The following PRKCH variants were observed in gnomAD, a reference collection of about 807,000 sequenced individuals.
The protein encoded by PRKCH is protein kinase C eta type.
In PRKCH, 28 loss-of-function variants were observed where a neutral mutation model predicts 82.5. That is an observed-to-expected ratio of 0.34 (90% CI 0.25 to 0.47). The LOEUF (loss-of-function observed/expected upper bound fraction) is 0.47. Ranked by LOEUF, PRKCH falls within the 20% of genes least tolerant of loss-of-function variation. The pLI is 1.00. For synonymous variants in PRKCH, 322 were observed against 327.4 expected, an observed-to-expected ratio of 0.98 and a Z score of 0.18; for missense variants, 705 against 881.8, an observed-to-expected ratio of 0.80 and a Z score of 2.54.
rs573811394 is a variant in PRKCH, at chr14:61,348,458, T to G, written c.363+25994T>G. 2.1e-3 allele frequency among the ~76,000 whole-genome samples: 317 copies of G among 152,360 alleles called. 1 individual carries two copies. The highest frequency in any genetic ancestry group is 6.9e-3 in the African/African-American group (288 of 41,592). On this transcript the variant is annotated intron_variant, in intron 1 of 13. Transcript: ENST00000332981. ...GAAACAGAAGCTTTGCCTCCACCTC[T>G]GATGCTTGGGCTGGGATGAAATAAG...
chr14:61,405,493 T>C (rs1451066134), intron 2 of PRKCH, among the ~76,000 whole-genome samples: 2 of 152,088 alleles, frequency 1.3e-5, no homozygotes, highest in Non-Finnish European at 2.9e-5. Flanking sequence ...TTCTGCTGCC[T>C]CAGCCTCCTG....
intron 1 of PRKCH, among the ~76,000 whole-genome samples, chr14:61,328,399 T>C (rs1852605986): frequency 8.0e-6 from 1 of 125,020 alleles, no homozygotes; most frequent in African/African-American, 2.9e-5. Context: ...AAACTTGTAA[T>C]ACGTTATAAC....
chr14:61,343,351 C>CAAAAAAAAAAAAAAAAAAAA (rs57154047), intron 1 of PRKCH, among the ~76,000 whole-genome samples: 1 of 87,350 alleles, frequency 1.1e-5, no homozygotes, highest in African/African-American at 4.4e-5. Context: ...CCAGTTCCCT[C>CAAAAAAAAAAAAAAAAAAAA]AAAAAAAAAA....
Position 61,417,712 on chromosome 14 carries a change from C to G in PRKCH, c.428-25399C>G, listed in dbSNP as rs984173117. On this transcript the variant is annotated intron_variant, in intron 2 of 13. Coordinates refer to ENST00000332981, the MANE Select transcript of PRKCH (RefSeq NM_006255.5). ...CCTTCTGTCTTTGAAGTCTTAGACACACAGCTTGGGAATGGTCCTAATAGA... is the reference window on the plus strand; with the variant it reads ...CCTTCTGTCTTTGAAGTCTTAGACAGACAGCTTGGGAATGGTCCTAATAGA... 2.1e-4 allele frequency among the ~76,000 whole-genome samples: 32 copies of G among 152,080 alleles called. 1 individual carries two copies. The highest frequency in any genetic ancestry group is 2.0e-3 in the Admixed American group (30 of 15,282).
chr14:61,297,261 A>G (rs985363719), intron 1 of PRKCH, among the ~76,000 whole-genome samples: 21 of 152,224 alleles, frequency 1.4e-4, no homozygotes, highest in African/African-American at 3.9e-4. Flanking sequence ...AAATTTGCCA[A>G]TGTTACAGTT....
chr14:61,347,887 A>T (rs1341746633), intron 1 of PRKCH: 1 of 152,838 alleles, frequency 6.5e-6, no homozygotes, highest in African/African-American at 2.4e-5. Context: ...CAGGGAACGG[A>T]ATTAAATAGC....
chr14:61,506,404 G>A (rs930621367), intron 10 of PRKCH, among the ~76,000 whole-genome samples: 1 of 152,044 alleles, frequency 6.6e-6, no homozygotes, highest in Non-Finnish European at 1.5e-5. Flanking sequence ...TTGAAGTCAG[G>A]GGGGTGGGTA....
intron 2 of PRKCH, among the ~76,000 whole-genome samples, chr14:61,410,622 G>A (rs953124813): frequency 7.2e-5 from 11 of 152,204 alleles, no homozygotes; most frequent in African/African-American, 2.2e-4. Context: ...AAGAGCACTG[G>A]TGTGGCTAAA....
rs553443360 is a variant in PRKCH at position 61,238,330 on chromosome 14, C to T, written c.-19+50662C>T. On this transcript the variant is annotated intron_variant, in intron 1 of 3. Transcript: ENST00000555185. ...TTTGGGTCCCTGACAGGAGATTGAGCCAAGGGACCCCAGCCCTTTTGTCAA... is the reference window on the plus strand; with the variant it reads ...TTTGGGTCCCTGACAGGAGATTGAGTCAAGGGACCCCAGCCCTTTTGTCAA... Among the ~76,000 whole-genome samples, 18 of 152,284 alleles carry T rather than the reference C, an allele frequency of 1.2e-4. No homozygotes were observed. The South Asian group carries it at 3.7e-3, about 32-fold the overall frequency.
At chr14:61,242,906 G>A (rs779906251) in intron 1 of PRKCH, among the ~76,000 whole-genome samples, 2 of 152,052 alleles carry the variant, frequency 1.3e-5, no homozygotes, top group Non-Finnish European at 2.9e-5. Context: ...TATATGCCAG[G>A]CACTTTGCTA....
chr14:61,210,069 T>G (rs2044557676), intron 1 of PRKCH, among the ~76,000 whole-genome samples: 1 of 120,532 alleles, frequency 8.3e-6, no homozygotes, highest in East Asian at 2.4e-4. Context: ...AAACCCTGTC[T>G]CTACTAAAAC....
chr14:61,524,109 C>G (rs2042937398), intron 10 of PRKCH, among the ~76,000 whole-genome samples: 1 of 152,224 alleles, frequency 6.6e-6, no homozygotes, highest in Non-Finnish European at 1.5e-5. Flanking sequence ...GCTCTCAACT[C>G]GCTTTCCTTT....
chr14:61,479,952 G>C (rs1433435131), intron 9 of PRKCH, among the ~76,000 whole-genome samples: 2 of 152,200 alleles, frequency 1.3e-5, no homozygotes, highest in African/African-American at 4.8e-5. Flanking sequence ...ACTTGTACTT[G>C]TGGTTGGCTG....
At chr14:61,421,089 G>C (rs553389319) in intron 2 of PRKCH, among the ~76,000 whole-genome samples, 4 of 151,476 alleles carry the variant, frequency 2.6e-5, no homozygotes, top group Non-Finnish European at 4.4e-5. Flanking sequence ...GTTTATAGTA[G>C]CCATTATCTA....
chr14:61,290,539 A>G (rs2045352373), intron 1 of PRKCH, among the ~76,000 whole-genome samples: 1 of 152,138 alleles, frequency 6.6e-6, no homozygotes, highest in African/African-American at 2.4e-5. Context: ...GTCTAAGGAT[A>G]GGTTAGAGGA....
In PRKCH at chr14:61,240,016, G is replaced by T. The variant is rs1284963984; in HGVS notation, c.-19+52348G>T. Among the ~76,000 whole-genome samples the T allele has an allele frequency of 2.6e-5, 4 of 152,154 alleles. No individual in the cohort carries two copies. In the East Asian group the frequency reaches 7.7e-4, roughly 29 times the overall value. On this transcript the variant is annotated intron_variant, in intron 1 of 3. Transcript: ENST00000555185. The stretch of plus-strand genomic sequence containing the variant: ...TGCATCCAGCAAACCAACTGTCCAG[G>T]AGTTGAATGCATCTCTAAATTTCAC...
In PRKCH at chr14:61,467,975, G is replaced by T. The variant is rs79800090; in HGVS notation, c.1278+10296G>T. Among the ~76,000 whole-genome samples the T allele has an allele frequency of 8.9e-3, 1,362 of 152,336 alleles. 17 individuals carry two copies. The highest frequency in any genetic ancestry group is 0.031 in the African/African-American group (1,293 of 41,568). On this transcript the variant is annotated intron_variant, in intron 9 of 13. Transcript: ENST00000332981. ...CAGATCACACAGTAAGCCAGAGTCA[G>T]TGCATGGATTCCTGACCTGACTGTC...
intron 1 of PRKCH, among the ~76,000 whole-genome samples, chr14:61,370,942 A>G (rs1259178973): frequency 6.6e-6 from 1 of 152,064 alleles, no homozygotes; most frequent in Non-Finnish European, 1.5e-5. Flanking sequence ...CAGTTGGGAC[A>G]GGGGATGACT....
chr14:61,534,036 C>T (rs1362138871), intron 12 of PRKCH, among the ~76,000 whole-genome samples: 1 of 152,134 alleles, frequency 6.6e-6, no homozygotes, highest in African/African-American at 2.4e-5. Flanking sequence ...GATGAGGAAA[C>T]CATGAGGTAC....
Sources: allele counts gnomAD v4.1 joint callset (sites outside exome capture counted in the v4.1 genomes callset), GRCh38; gene constraint gnomAD v4.1.1; transcripts MANE v1.5; gene names NCBI Gene and HGNC (gene_info 2026-07-23, HGNC 2026-07-21).